Variants in CREG2 observed in about 807,000 individuals in gnomAD.
The protein encoded by CREG2 is cellular repressor of E1A stimulated genes 2, also known as protein CREG2.
A neutral mutation model predicts 26.2 loss-of-function variants in CREG2; 24 were observed. The observed-to-expected ratio is 0.92, with a 90% CI of 0.66 to 1.29. The LOEUF (loss-of-function observed/expected upper bound fraction) is 1.29. Among genes scored for constraint, CREG2 ranks in the 50% most tolerant of loss-of-function variants. The probability of loss-of-function intolerance (pLI) is 0.00; values close to 1 mark genes in which losing one functional copy is unlikely to be tolerated. For synonymous variants in CREG2, 174 were observed against 169.2 expected (o/e 1.03, Z -0.22); for missense variants, 366 against 398.6 (o/e 0.92, Z 0.70).
At position 101,385,679 on chromosome 2, in the gene CREG2, C is replaced by T. The variant is rs79114053; in HGVS notation, c.441+1338G>A. On this transcript the variant is annotated intron_variant, in intron 1 of 3. Coordinates refer to ENST00000324768, the MANE Select transcript of CREG2 (RefSeq NM_153836.4). ...GCTTTAATTTTTCAGGAACATGAAA[C>T]GTTAAGGAATCTTCCAAAATGGTGA... Among the ~76,000 whole-genome samples, 806 of 152,228 alleles carry T rather than the reference C, an allele frequency of 5.3e-3. 6 individuals are homozygous for T. The highest frequency in any genetic ancestry group is 7.8e-3 in the Non-Finnish European group (531 of 68,020).
At position 101,360,151 on chromosome 2, in the gene CREG2, T is replaced by C. The variant is rs572206280; in HGVS notation, c.612-4785A>G. ...TCTTTCAAACATTCACCTTATCTTATGTAAAATGTTGATTTACTGGGCACT... is the reference window on the plus strand; with the variant it reads ...TCTTTCAAACATTCACCTTATCTTACGTAAAATGTTGATTTACTGGGCACT... On this transcript the variant is annotated intron_variant, in intron 2 of 3. Coordinates refer to ENST00000324768, the MANE Select transcript of CREG2 (RefSeq NM_153836.4). Among the ~76,000 whole-genome samples the C allele has an allele frequency of 5.3e-5, 8 of 152,348 alleles. No homozygotes were observed. In the East Asian group the frequency reaches 1.4e-3, roughly 26 times the overall value.
Position 101,387,370 on chromosome 2 carries a change from C to T in CREG2, c.88G>A (p.Ala30Thr), listed in dbSNP as rs1299648805. 3.6e-6 allele frequency: 5 copies of T among 1,402,952 alleles called. No homozygotes were observed. The highest frequency in any genetic ancestry group is 2.0e-4 in the Middle Eastern group (1 of 5,028). The allele number at this position is 1,402,952 out of a possible 1,614,324, so 86.9% of individuals were successfully genotyped here. ...ACGGAGCTCACGATCACGTAGCCCG[C>T]GGCCGGGGACAGCAGGGCGCTGCAG... is the stretch of plus-strand genomic sequence containing the variant. Reference protein sequence around the residue: ...LCCSALLSPAAGYVIVSSVSW... With the variant: ...LCCSALLSPATGYVIVSSVSW... Residue 30 changes from alanine to threonine, a missense_variant, in exon 1 of 4, where the codon GCG becomes ACG. Ala to Thr is a moderately conservative substitution (Grantham distance 58). Transcript: ENST00000324768. This position sits in a 1 kb window ranked among gnomAD's most constrained non-coding sequence, Gnocchi z 4.7.
Position 101,370,322 on chromosome 2 carries a change from C to T in CREG2, c.611+13211G>A, listed in dbSNP as rs1018231835. 5.3e-5 allele frequency among the ~76,000 whole-genome samples: 8 copies of T among 152,264 alleles called. 1 individual carries two copies. The highest frequency in any genetic ancestry group is 2.6e-4 in the Admixed American group (4 of 15,286). On this transcript the variant is annotated intron_variant, in intron 2 of 3. Coordinates refer to ENST00000324768, the MANE Select transcript of CREG2 (RefSeq NM_153836.4). ...TCTTTTTTTCTGGTCTCTGCCATCC[C>T]AGTCCTGTGCAGAAGAAACACCTGT...
At chr2:101,361,788 T>G (rs149508890) in intron 2 of CREG2, among the ~76,000 whole-genome samples, 31 of 152,206 alleles carry the variant, frequency 2.0e-4, no homozygotes, top group Admixed American at 1.2e-3. Flanking sequence ...AACACAACTG[T>G]GGTTACTGGC....
intron 2 of CREG2, chr2:101,383,162 T>G (rs1055006394): frequency 2.2e-4 from 81 of 365,952 alleles, no homozygotes; most frequent in Admixed American, 7.5e-4. Context: ...GATCAACTAC[T>G]GGCTCTTCCT....
chr2:101,350,940 C>A lies in CREG2; in HGVS notation c.856G>T (p.Val286Phe), dbSNP rs754794220. The stretch of plus-strand genomic sequence containing the variant: ...TCACTCCATCAGGCCTTTCTGGGAA[C>A]TGCTTTGAAATATTCCTCCCTTGAA... Reference protein sequence around the residue: ...SISREEYFKAVPRKA With the variant: ...SISREEYFKAFPRKA The change falls in exon 4 of 4, where the codon GTT becomes TTT. Residue 286 changes from valine (V) to phenylalanine (F), a missense_variant. Val to Phe is a conservative substitution (Grantham distance 50). Around this residue, in one of 3 missense-constraint regions of CREG2, gnomAD observed 174 missense variants for 178.2 expected, o/e 0.98. Transcript: ENST00000324768. The A allele has an allele frequency of 6.2e-7, 1 of 1,614,176 alleles. No individual in the cohort carries two copies. The highest frequency in any genetic ancestry group is 8.5e-7 in the Non-Finnish European group (1 of 1,180,008).
At chr2:101,351,894 T>G (rs1684387088) in intron 3 of CREG2, among the ~76,000 whole-genome samples, 2 of 152,086 alleles carry the variant, frequency 1.3e-5, no homozygotes, top group Admixed American at 1.3e-4. Context: ...ATTAAAAAAT[T>G]TTTTTTTTAG....
At chr2:101,378,519 G>C (rs1684823249) in intron 2 of CREG2, among the ~76,000 whole-genome samples, 1 of 152,152 alleles carries the variant, frequency 6.6e-6, no homozygotes, top group Non-Finnish European at 1.5e-5. Flanking sequence ...CTTTATAACA[G>C]TCTATGTAGA....
intron 2 of CREG2, among the ~76,000 whole-genome samples, chr2:101,368,239 G>C (rs893379941): frequency 6.7e-6 from 1 of 148,984 alleles, no homozygotes; most frequent in Non-Finnish European, 1.5e-5. Flanking sequence ...AGTGAGCCGA[G>C]ATTGCACCAT....
At chr2:101,377,622 G>A (rs1684812598) in intron 2 of CREG2, among the ~76,000 whole-genome samples, 1 of 152,172 alleles carries the variant, frequency 6.6e-6, no homozygotes, top group African/African-American at 2.4e-5. Flanking sequence ...GAGGGAGAGG[G>A]AAATAAAGAG....
chr2:101,377,505 G>C (rs1309457261), intron 2 of CREG2, among the ~76,000 whole-genome samples: 1 of 152,110 alleles, frequency 6.6e-6, no homozygotes, highest in Non-Finnish European at 1.5e-5. Context: ...ACATTTTTGG[G>C]TGGCCTTTCT....
intron 2 of CREG2, among the ~76,000 whole-genome samples, chr2:101,374,010 C>G (rs977544579): frequency 6.6e-6 from 1 of 152,212 alleles, no homozygotes; most frequent in African/African-American, 2.4e-5. Context: ...GGACTATAGG[C>G]GTGCACCACT....
At chr2:101,370,752 C>A (rs771041083) in intron 2 of CREG2, among the ~76,000 whole-genome samples, 1 of 152,144 alleles carries the variant, frequency 6.6e-6, no homozygotes, top group Non-Finnish European at 1.5e-5. Context: ...CTGAAGCCCA[C>A]CAAATGGTTC....
rs1338565624 is a variant in CREG2, at chr2:101,348,519, T to G, written c.*2404A>C. 7 of 152,222 alleles carry G rather than the reference T, an allele frequency of 4.6e-5. No homozygotes were observed. Among genetic ancestry groups the G allele is most frequent in the Non-Finnish European group, 4.4e-5 (3 of 68,036 alleles). The allele number at this position is 152,222 out of a possible 1,614,324, so 9.4% of individuals were successfully genotyped here. ...ACATAGGTCCTGGGTAAGTTTTGTTTATACGGAAGTATTTCACTTTGGAGT... is the reference window on the plus strand; with the variant it reads ...ACATAGGTCCTGGGTAAGTTTTGTTGATACGGAAGTATTTCACTTTGGAGT... On this transcript the variant is annotated 3_prime_UTR_variant, in exon 4 of 4. Transcript: ENST00000324768.
rs1276540890 is a variant in CREG2, at chr2:101,346,044, G to C, written c.*4879C>G. The stretch of plus-strand genomic sequence containing the variant: ...TGTAGAGATGAGGTCTCACTATGTT[G>C]CCCAGGCTGCTCTTGAACTCCTGAC... On this transcript the variant is annotated 3_prime_UTR_variant, in exon 4 of 4. Coordinates refer to ENST00000324768, the MANE Select transcript of CREG2 (RefSeq NM_153836.4). The C allele has an allele frequency of 1.4e-5, 2 of 145,820 alleles. No individual in the cohort carries two copies. Among genetic ancestry groups the C allele is most frequent in the Non-Finnish European group, 3.0e-5 (2 of 66,966 alleles). 9.0% of individuals were successfully genotyped at this position (145,820 alleles called of 1,614,324 possible). A position where few individuals can be genotyped will look rare whatever the true frequency, so the allele number is the denominator to read the frequency against.
At chr2:101,356,232 G>C (rs1684456868) in intron 2 of CREG2, among the ~76,000 whole-genome samples, 1 of 152,172 alleles carries the variant, frequency 6.6e-6, no homozygotes, top group African/African-American at 2.4e-5. Context: ...CCCTCTGCCA[G>C]CTGCGGTCTG....
intron 2 of CREG2, among the ~76,000 whole-genome samples, chr2:101,363,329 A>G (rs1573306905): frequency 6.6e-6 from 1 of 152,182 alleles, no homozygotes; most frequent in South Asian, 2.1e-4. Flanking sequence ...CTTGTACTCA[A>G]ATGATCTCCA....
rs966516027 is a variant in CREG2 at position 101,350,643 on chromosome 2, C to T, written c.*280G>A. Reference sequence around the variant, plus strand: ...TGATCTCAACATGTCATTTTGACCACCAGCTATTATATGATTTCTGAATCG... The same window carrying T: ...TGATCTCAACATGTCATTTTGACCATCAGCTATTATATGATTTCTGAATCG... On this transcript the variant is annotated 3_prime_UTR_variant, in exon 4 of 4. Transcript: ENST00000324768. The T allele has an allele frequency of 7.7e-5, 23 of 298,282 alleles. No homozygotes were observed. Among genetic ancestry groups the T allele is most frequent in the Non-Finnish European group, 1.3e-4 (21 of 162,728 alleles). 18.5% of individuals were successfully genotyped at this position (298,282 alleles called of 1,614,324 possible). A position where few individuals can be genotyped will look rare whatever the true frequency, so the allele number is the denominator to read the frequency against.
chr2:101,376,720 T>C (rs1303520944), intron 2 of CREG2, among the ~76,000 whole-genome samples: 1 of 152,234 alleles, frequency 6.6e-6, no homozygotes, highest in Non-Finnish European at 1.5e-5. Flanking sequence ...AGCTTTTGCC[T>C]TTTAATTTAA....
Sources: gnomAD v4.1 joint callset for allele counts (sites outside exome capture counted in the v4.1 genomes callset) on GRCh38, gnomAD v4.1.1 for gene constraint, gnomAD v4.1.1 regional missense constraint, Gnocchi (gnomAD v3.1) non-coding constraint, MANE v1.5 for transcripts, NCBI Gene and HGNC (gene_info 2026-07-23, HGNC 2026-07-21) for gene names.